The following PRRC2B variants were observed in gnomAD, a reference collection of about 807,000 sequenced individuals.
PRRC2B encodes the protein protein PRRC2B.
PRRC2B carries 68 observed loss-of-function variants against 242.3 expected under a neutral mutation model. The ratio of observed to expected loss-of-function variants is 0.28; its 90% CI spans 0.23 to 0.34. The LOEUF is 0.34. Ranked by LOEUF, PRRC2B falls within the 10% of genes least tolerant of loss-of-function variation. The pLI is 1.00. For synonymous variants in PRRC2B, 1,228 were observed against 1,173.6 expected (o/e 1.05, Z -0.95); for missense variants, 2,835 against 2,954.8 (o/e 0.96, Z 0.94).
At position 131,486,076 on chromosome 9, in the gene PRRC2B, T is replaced by C; in HGVS notation, c.5759-9T>C. 6.3e-7 allele frequency: 1 copy of C among 1,599,576 alleles called. No individual in the cohort carries two copies. The highest frequency in any genetic ancestry group is 8.6e-7 in the Non-Finnish European group (1 of 1,168,816). On this transcript the variant is annotated splice_polypyrimidine_tract_variant and intron_variant, in intron 25 of 31. Transcript: ENST00000683519. Reference sequence around the variant, plus strand: ...CTCTTCTACGTCCCTTTTGCCGCTCTGTTTCCAGGCAGCCACCTCCCGCCC... The same window carrying C: ...CTCTTCTACGTCCCTTTTGCCGCTCCGTTTCCAGGCAGCCACCTCCCGCCC...
intron 9 of PRRC2B, 126 bp from the exon 10 acceptor site, chr9:131,454,950 C>T (rs1943029952): frequency 3.0e-6 from 2 of 675,890 alleles, no homozygotes; most frequent in Non-Finnish European, 5.2e-6. Flanking sequence ...TCTCAAACTC[C>T]TGTCCTCATG....
At chr9:131,460,629 AC>A (rs770005517) in intron 11 of PRRC2B, among the ~76,000 whole-genome samples, 4 of 152,196 alleles carry the variant, frequency 2.6e-5, no homozygotes, top group Non-Finnish European at 5.9e-5. Context: ...TTGAGACTGA[AC>A]ATCTCGTTTT....
intron 9 of PRRC2B, among the ~76,000 whole-genome samples, chr9:131,448,548 A>AAAAAAAAAAAAAAAC (rs1554762046): frequency 0.013 from 1,048 of 83,114 alleles, 159 homozygotes; most frequent in Non-Finnish European, 0.019. Flanking sequence ...TGTCTCAAAA[A>AAAAAAAAAAAAAAAC]AAAAAAAAAA....
intron 1 of PRRC2B, among the ~76,000 whole-genome samples, chr9:131,377,188 C>T (rs866538443): frequency 3.3e-5 from 5 of 152,022 alleles, no homozygotes; most frequent in Non-Finnish European, 7.4e-5. Context: ...ATTCGGGGCT[C>T]ACTGCAACCT....
intron 1 of PRRC2B, among the ~76,000 whole-genome samples, chr9:131,420,486 T>TC (rs1837793223): frequency 6.6e-4 from 12 of 18,284 alleles, no homozygotes; most frequent in African/African-American, 1.4e-3. Flanking sequence ...TCTTTCTTTC[T>TC]TTCTTTCTTT....
chr9:131,416,573 G>A (rs560417409), intron 1 of PRRC2B, among the ~76,000 whole-genome samples: 2 of 151,732 alleles, frequency 1.3e-5, no homozygotes, highest in South Asian at 4.2e-4. Context: ...CATTATTATT[G>A]ACTAAAGTTT....
At chr9:131,404,861 T>C (rs1837324676) in intron 1 of PRRC2B, among the ~76,000 whole-genome samples, 1 of 152,234 alleles carries the variant, frequency 6.6e-6, no homozygotes, top group South Asian at 2.1e-4. Flanking sequence ...ACAATTTTGG[T>C]CAAACTGTAC....
intron 10 of PRRC2B, among the ~76,000 whole-genome samples, chr9:131,457,926 G>A (rs191043667): frequency 2.0e-5 from 3 of 152,166 alleles, no homozygotes; most frequent in Admixed American, 6.5e-5. Flanking sequence ...CCACGTACGT[G>A]TGTGGGTAGA....
chr9:131,375,669 C>T (rs916435377), intron 1 of PRRC2B, among the ~76,000 whole-genome samples: 2 of 152,104 alleles, frequency 1.3e-5, no homozygotes, highest in African/African-American at 4.8e-5. Flanking sequence ...GCACATTTTA[C>T]CTTATAAAAT....
chr9:131,422,552 G>C (rs1837873758), intron 1 of PRRC2B, among the ~76,000 whole-genome samples: 1 of 152,230 alleles, frequency 6.6e-6, no homozygotes, highest in Non-Finnish European at 1.5e-5. Flanking sequence ...GTGAATGACA[G>C]GTCATCCCAG....
intron 1 of PRRC2B, among the ~76,000 whole-genome samples, chr9:131,405,670 G>A (rs1837342186): frequency 6.6e-6 from 1 of 152,162 alleles, no homozygotes; most frequent in Admixed American, 6.5e-5. Context: ...GCGGGGATTT[G>A]TGCTCTGGCA....
chr9:131,393,871 C>T (rs994041709), upstream of PRRC2B, among the ~76,000 whole-genome samples: 4 of 150,978 alleles, frequency 2.6e-5, no homozygotes, highest in Admixed American at 6.6e-5. Flanking sequence ...CACTCCCAGC[C>T]CCCTCCCAGC....
In PRRC2B at chr9:131,494,692, TC is replaced by T. The variant is rs1468570468; in HGVS notation, c.6555+208del. On this transcript the variant is annotated intron_variant, in intron 31 of 31. Coordinates refer to ENST00000683519, the MANE Select transcript of PRRC2B (RefSeq NM_013318.4). This position sits in a 1 kb window ranked among gnomAD's most constrained non-coding sequence, Gnocchi z 4.3. ...TCCTCTTGACGGGCGTCTGGATCCT[TC>T]CTTGTCCTGCAGAGAAGGGAGGATG... 6.6e-6 allele frequency among the ~76,000 whole-genome samples: 1 copy of T among 152,168 alleles called. No individual in the cohort carries two copies. Among genetic ancestry groups the T allele is most frequent in the Non-Finnish European group, 1.5e-5 (1 of 68,026 alleles).
chr9:131,445,310 G>A (rs1345102042), intron 6 of PRRC2B, among the ~76,000 whole-genome samples: 1 of 152,104 alleles, frequency 6.6e-6, no homozygotes. Flanking sequence ...ACAGGCATGT[G>A]CCACCACACC....
At chr9:131,415,640 C>A (rs1445811100) in intron 1 of PRRC2B, among the ~76,000 whole-genome samples, 1 of 152,156 alleles carries the variant, frequency 6.6e-6, no homozygotes, top group Non-Finnish European at 1.5e-5. Context: ...GTATTGGATT[C>A]TAGATTGAAA....
intron 23 of PRRC2B, among the ~76,000 whole-genome samples, 171 bp downstream of exon 23, chr9:131,483,616 C>A (rs1239830804): frequency 6.6e-6 from 1 of 152,208 alleles, no homozygotes; most frequent in East Asian, 1.9e-4. Context: ...GTTTTGTGAC[C>A]TTCCAGTGGG....
At chr9:131,408,644 G>T (rs899578648) in intron 1 of PRRC2B, among the ~76,000 whole-genome samples, 9 of 152,112 alleles carry the variant, frequency 5.9e-5, no homozygotes, top group African/African-American at 2.2e-4. Context: ...ATGTGTATAA[G>T]CCTGGAGGCT....
chr9:131,431,412 G>C (rs1838166904), intron 2 of PRRC2B, among the ~76,000 whole-genome samples: 2 of 151,950 alleles, frequency 1.3e-5, no homozygotes, highest in Non-Finnish European at 2.9e-5. Context: ...TTACAGGCGT[G>C]AGCCACCGTG....
At chr9:131,468,862 GC>G (rs896708106) in intron 13 of PRRC2B, among the ~76,000 whole-genome samples, 1 of 152,140 alleles carries the variant, frequency 6.6e-6, no homozygotes, top group African/African-American at 2.4e-5. Flanking sequence ...TCCAGGGACC[GC>G]CTTTAATGTG....
Sources: gnomAD v4.1 joint callset for allele counts (sites outside exome capture counted in the v4.1 genomes callset) on GRCh38, gnomAD v4.1.1 for gene constraint, Gnocchi (gnomAD v3.1) non-coding constraint, MANE v1.5 for transcripts, NCBI Gene and HGNC (gene_info 2026-07-23, HGNC 2026-07-21) for gene names.